The following WDR49 variants were observed in gnomAD, a reference collection of about 807,000 sequenced individuals.
WDR49 encodes the protein WD repeat domain 49.
WDR49 carries 107 observed loss-of-function variants against 119.5 expected under a neutral mutation model. The observed-to-expected ratio is 0.90, with a 90% CI of 0.77 to 1.05. The LOEUF is 1.05. WDR49 is among the 50% of genes least tolerant of loss of function. The pLI is 0.00. For synonymous variants in WDR49, 425 were observed against 418.8 expected (o/e 1.01, Z -0.18); for missense variants, 1,240 against 1,220.5 (o/e 1.02, Z -0.24).
At chr3:167,591,607 C>A (rs1329295110) in intron 7 of WDR49, among the ~76,000 whole-genome samples, 1 of 152,042 alleles carries the variant, frequency 6.6e-6, no homozygotes, top group African/African-American at 2.4e-5. Context: ...CATATATTTA[C>A]AATTGTTATA....
At chr3:167,653,539 T>C (rs977880070) in intron 1 of WDR49, 40 bp from the exon 2 acceptor site, 1 of 1,310,102 alleles carries the variant, frequency 7.6e-7, no homozygotes, top group Non-Finnish European at 1.0e-6. Flanking sequence ...AATTCCAAAA[T>C]GAAAGTACAA....
Position 167,518,918 on chromosome 3 carries a change from C to T in WDR49, c.2774+3397G>A, listed in dbSNP as rs181979518. Among the ~76,000 whole-genome samples the T allele has an allele frequency of 2.8e-5, 4 of 145,406 alleles. No homozygotes were observed. In the East Asian group the frequency reaches 8.7e-4, roughly 32 times the overall value. The stretch of plus-strand genomic sequence containing the variant: ...ATTCAGAGTCCACAGGGAACTTAAA[C>T]AAATTTACAAGAAAAAAAAAAACAA... On this transcript the variant is annotated intron_variant, in intron 16 of 18. Transcript: ENST00000682715.
chr3:167,576,906 T>C (rs1560294367), intron 7 of WDR49, among the ~76,000 whole-genome samples: 3 of 152,194 alleles, frequency 2.0e-5, no homozygotes. Flanking sequence ...TGTGTGTAGA[T>C]ACATGTATCT....
At chr3:167,577,755 A>G (rs1458772410) in intron 7 of WDR49, among the ~76,000 whole-genome samples, 1 of 152,134 alleles carries the variant, frequency 6.6e-6, no homozygotes, top group African/African-American at 2.4e-5. Context: ...TTATTTCTAA[A>G]TTATCTATAA....
chr3:167,547,001 T>A (rs994080441), intron 10 of WDR49, among the ~76,000 whole-genome samples: 1 of 151,840 alleles, frequency 6.6e-6, no homozygotes, highest in African/African-American at 2.4e-5. Context: ...AGAGTCAAAT[T>A]TTGAATACTA....
chr3:167,562,611 A>G (rs1420153072), intron 8 of WDR49, among the ~76,000 whole-genome samples: 2 of 152,238 alleles, frequency 1.3e-5, no homozygotes, highest in East Asian at 3.8e-4. Context: ...AAATAATGTA[A>G]CAACACATTA....
chr3:167,655,770 C>T (rs561796666), upstream of WDR49, among the ~76,000 whole-genome samples: 13 of 152,126 alleles, frequency 8.5e-5, no homozygotes, highest in African/African-American at 2.2e-4. Flanking sequence ...TGGTGGCAGG[C>T]GCCTGTAATC....
intron 2 of WDR49, among the ~76,000 whole-genome samples, chr3:167,631,517 G>T (rs1717372658): frequency 6.6e-6 from 1 of 151,938 alleles, no homozygotes; most frequent in African/African-American, 2.4e-5. Context: ...TAGGAAGTAG[G>T]CAAATTTGCA....
chr3:167,543,572 ATTTGACAAAATCCAG>A (rs1407166942), intron 10 of WDR49, among the ~76,000 whole-genome samples: 1 of 152,028 alleles, frequency 6.6e-6, no homozygotes, highest in Non-Finnish European at 1.5e-5. Context: ...CAGAAAAGAC[ATTTGACAAAATCCAG>A]CATCACTTTA....
chr3:167,550,179 T>C (rs1269047477), intron 10 of WDR49, among the ~76,000 whole-genome samples: 1 of 152,184 alleles, frequency 6.6e-6, no homozygotes, highest in Non-Finnish European at 1.5e-5. Context: ...CAATGCAGGC[T>C]CTTTTTTGGT....
At chr3:167,576,807 C>T (rs563384115) in intron 7 of WDR49, among the ~76,000 whole-genome samples, 350 of 152,210 alleles carry the variant, frequency 2.3e-3, no homozygotes, top group Non-Finnish European at 4.2e-3. Context: ...AGTTTGTGCT[C>T]ATGTATTACA....
chr3:167,578,759 C>T (rs1714380265), intron 7 of WDR49, among the ~76,000 whole-genome samples: 1 of 152,072 alleles, frequency 6.6e-6, no homozygotes, highest in South Asian at 2.1e-4. Context: ...TTTAAAGCAG[C>T]CTATTTTTGC....
intron 10 of WDR49, among the ~76,000 whole-genome samples, chr3:167,539,267 G>A (rs1425996892): frequency 6.6e-6 from 1 of 152,116 alleles, no homozygotes; most frequent in Non-Finnish European, 1.5e-5. Context: ...TAGGAGCTAA[G>A]TTTCTGAAGT....
chr3:167,546,310 A>C (rs1016410130), intron 10 of WDR49, among the ~76,000 whole-genome samples: 1 of 151,986 alleles, frequency 6.6e-6, no homozygotes, highest in African/African-American at 2.4e-5. Flanking sequence ...CTAGTTAGCT[A>C]CCACTTTCCC....
At chr3:167,514,149 AATATACTTTCTTCTTGGTGC>A (rs1180109015) in intron 16 of WDR49, among the ~76,000 whole-genome samples, 20 of 152,216 alleles carry the variant, frequency 1.3e-4, no homozygotes, top group Admixed American at 1.3e-3. Flanking sequence ...AAAACAACAG[AATATACTTTCTTCTTGGTGC>A]CACATGGCAC....
At chr3:167,543,136 T>C (rs544910445) in intron 10 of WDR49, among the ~76,000 whole-genome samples, 1 of 151,500 alleles carries the variant, frequency 6.6e-6, no homozygotes, top group Non-Finnish European at 1.5e-5. Flanking sequence ...AGTAGTGAGA[T>C]TAAGTAATAA....
chr3:167,645,382 CG>C (rs1364693599), intron 2 of WDR49, among the ~76,000 whole-genome samples: 2 of 151,548 alleles, frequency 1.3e-5, no homozygotes, highest in Non-Finnish European at 2.9e-5. Context: ...GGCTAGTTTT[CG>C]TATTTTTGTA....
intron 2 of WDR49, among the ~76,000 whole-genome samples, chr3:167,634,966 T>C (rs1433805930): frequency 6.6e-6 from 1 of 151,870 alleles, no homozygotes; most frequent in African/African-American, 2.4e-5. Flanking sequence ...TTTCCACTTA[T>C]ATCATACCAT....
intron 2 of WDR49, among the ~76,000 whole-genome samples, chr3:167,649,907 G>T (rs1395158162): frequency 6.6e-6 from 1 of 152,168 alleles, no homozygotes; most frequent in African/African-American, 2.4e-5. Context: ...AGGTGTGCCA[G>T]GAGAAGATAT....
Sources: gnomAD v4.1 joint callset for allele counts (sites outside exome capture counted in the v4.1 genomes callset) on GRCh38, gnomAD v4.1.1 for gene constraint, MANE v1.5 for transcripts, NCBI Gene and HGNC (gene_info 2026-07-23, HGNC 2026-07-21) for gene names.